TCP11: variants seen among roughly 807,000 people sequenced by gnomAD.
The protein encoded by TCP11 is T-complex protein 11 homolog.
In TCP11, 34 loss-of-function variants were observed where a neutral mutation model predicts 45.0. The observed-to-expected ratio is 0.76, with a 90% CI of 0.57 to 1.01. TCP11 has a LOEUF of 1.01. TCP11 is among the 50% of genes least tolerant of loss of function. The probability of loss-of-function intolerance (pLI) is 0.00; values close to 1 mark genes in which losing one functional copy is unlikely to be tolerated. For missense variants in TCP11, 523 were observed against 598.1 expected (o/e 0.87, Z 1.31); for synonymous variants, 227 against 227.0 (o/e 1.00, Z 0.00).
chr6:35,126,653 T>C (rs1169381083), intron 4 of TCP11, among the ~76,000 whole-genome samples: 1 of 38,890 alleles, frequency 2.6e-5, no homozygotes, highest in East Asian at 4.4e-4. Context: ...TCAAAGACTT[T>C]TTTTTTTTTT....
At chr6:35,118,617 C>T in intron 9 of TCP11, 116 bp from the exon 10 acceptor site, 2 of 860,332 alleles carry the variant, frequency 2.3e-6, no homozygotes, top group East Asian at 2.7e-5. Flanking sequence ...CAACCTGCCC[C>T]CCTACCTAGA....
intron 3 of TCP11, among the ~76,000 whole-genome samples, chr6:35,135,190 A>T (rs1780930509): frequency 6.6e-6 from 1 of 151,406 alleles, no homozygotes; most frequent in South Asian, 2.1e-4. Context: ...ATGGGATGTC[A>T]CTTCTGAGAT....
At position 35,122,121 on chromosome 6, in the gene TCP11, G is replaced by A; in HGVS notation, c.574C>T (p.Leu192=). The change falls in exon 5 of 10, where the codon CTG becomes TTG. Residue 192 remains leucine, a synonymous_variant. Coordinates refer to ENST00000311875, the MANE Select transcript of TCP11 (RefSeq NM_001370687.1). The part of the protein sequence containing the change: ...LENITDPVWL[L]RGIFQVLGRM... ...GGGCAGTATCAAGTTTCATACCTCA[G>A]TAGCCAAACAGGATCCGTAATGTTT... is the stretch of plus-strand genomic sequence containing the variant. 1 of 1,614,170 alleles carries A rather than the reference G, an allele frequency of 6.2e-7. No individual in the cohort carries two copies.
At chr6:35,135,431 A>C (rs978197248) in intron 3 of TCP11, among the ~76,000 whole-genome samples, 4 of 152,172 alleles carry the variant, frequency 2.6e-5, no homozygotes, top group Non-Finnish European at 5.9e-5. Context: ...GAAAGACTAT[A>C]AGCCCGAGGT....
rs1471085775 is a variant in TCP11, at chr6:35,120,748, G to T, written c.716-102C>A. On this transcript the variant is annotated intron_variant, in intron 6 of 9. Transcript: ENST00000311875. This position sits in a 1 kb window ranked among gnomAD's most constrained non-coding sequence, Gnocchi z 4.9. ...GTATACTCCTGGTCAATAAATAAAT[G>T]CTTTGAGGGTCTTTCTGTCTTAGAT... 2 of 1,404,648 alleles carry T rather than the reference G, an allele frequency of 1.4e-6. No individual in the cohort carries two copies. The highest frequency in any genetic ancestry group is 1.9e-6 in the Non-Finnish European group (2 of 1,029,664). 87.0% of individuals were successfully genotyped at this position (1,404,648 alleles called of 1,614,324 possible).
chr6:35,128,949 T>G, intron 4 of TCP11, 113 bp downstream of exon 4: 1 of 1,339,674 alleles, frequency 7.5e-7, no homozygotes, highest in Non-Finnish European at 1.0e-6. Flanking sequence ...TGTCTATTGC[T>G]TAGTCTCTGA....
At chr6:35,131,824 A>G (rs1383918753) in intron 3 of TCP11, among the ~76,000 whole-genome samples, 2 of 152,006 alleles carry the variant, frequency 1.3e-5, no homozygotes, top group Non-Finnish European at 2.9e-5. Flanking sequence ...CTGGTCTCCA[A>G]CTCCTAGTTG....
chr6:35,138,821 T>A (rs1237569784), intron 2 of TCP11, among the ~76,000 whole-genome samples: 2 of 152,220 alleles, frequency 1.3e-5, no homozygotes, highest in African/African-American at 4.8e-5. Context: ...ACACATTGTA[T>A]GCCTGTATCA....
chr6:35,118,489 T>C lies in TCP11; in HGVS notation c.1292A>G (p.His431Arg). The change falls in exon 10 of 10, where the codon CAT (histidine) becomes CGT (arginine). Residue 431 changes from histidine (H) to arginine (R), a missense_variant. Transcript: ENST00000311875. ...AACCAAACAGCATTTGAGAAACAAA[T>C]GGATCCGCTGATCTGTGAGCAGGAA... ...CVCSVIDQRI[H>R]LFLKCCLVLG... 1 of 1,613,608 alleles carries C rather than the reference T, an allele frequency of 6.2e-7. No individual in the cohort carries two copies.
At chr6:35,132,951 G>C (rs922356746) in intron 3 of TCP11, among the ~76,000 whole-genome samples, 1 of 152,162 alleles carries the variant, frequency 6.6e-6, no homozygotes, top group Non-Finnish European at 1.5e-5. Context: ...ATGGAAACTT[G>C]CTAACATCAG....
intron 4 of TCP11, 165 bp downstream of exon 4, chr6:35,128,897 T>G (rs1780113442): frequency 1.1e-6 from 1 of 876,868 alleles, no homozygotes; most frequent in Non-Finnish European, 1.7e-6. Context: ...TTATAATAAT[T>G]TTTATATTAA....
rs760809211 is a variant in TCP11 at position 35,122,131 on chromosome 6, A to G, written c.564T>C (p.Pro188=). ...AVQKLENITD[P]VWLLRGIFQV... ...AAGTTTCATACCTCAGTAGCCAAACAGGATCCGTAATGTTTTCTAGTTTCT... is the reference window on the plus strand; with the variant it reads ...AAGTTTCATACCTCAGTAGCCAAACGGGATCCGTAATGTTTTCTAGTTTCT... Residue 188 remains proline, a synonymous_variant, in exon 5 of 10, where the codon CCT becomes CCC. Transcript: ENST00000311875. 20 of 1,614,158 alleles carry G rather than the reference A, an allele frequency of 1.2e-5. No individual in the cohort carries two copies. Among genetic ancestry groups the G allele is most frequent in the Non-Finnish European group, 1.7e-5 (20 of 1,180,002 alleles).
At chr6:35,140,508 A>G (rs1396278958) in intron 2 of TCP11, 11 of 639,932 alleles carry the variant, frequency 1.7e-5, no homozygotes, top group South Asian at 1.5e-4. Flanking sequence ...GAACCGACTC[A>G]GTCTCAAATC....
intron 3 of TCP11, among the ~76,000 whole-genome samples, chr6:35,129,989 C>T (rs1780222415): frequency 6.6e-6 from 1 of 151,924 alleles, no homozygotes; most frequent in Non-Finnish European, 1.5e-5. Flanking sequence ...CGCTATGTTG[C>T]TCGGGCTGGT....
chr6:35,130,133 A>T (rs1444017900), intron 3 of TCP11, among the ~76,000 whole-genome samples: 1 of 152,168 alleles, frequency 6.6e-6, no homozygotes, highest in Non-Finnish European at 1.5e-5. Flanking sequence ...ATGTTGGAAC[A>T]ACTAGATATC....
Position 35,120,215 on chromosome 6 carries a change from T to C in TCP11, c.1059A>G (p.Gln353=). The change falls in exon 8 of 10, where the codon CAA becomes CAG. Residue 353 remains glutamine (Q), a synonymous_variant. Coordinates refer to ENST00000311875, the MANE Select transcript of TCP11 (RefSeq NM_001370687.1). The surrounding 1 kb of genome is among the most constrained non-coding windows in gnomAD (Gnocchi z 4.9). ...TTATGCGTTTCAGTTTATCTACAAA[T>C]TGGGGTGAGCCAAACAAAACACTGC... is the stretch of plus-strand genomic sequence containing the variant. ...FSGSVLFGSP[Q]FVDKLKRITK... 6.2e-7 allele frequency: 1 copy of C among 1,614,230 alleles called. No individual in the cohort carries two copies. The highest frequency in any genetic ancestry group is 1.3e-5 in the African/African-American group (1 of 75,064).
At chr6:35,124,039 C>T (rs1344531863) in intron 4 of TCP11, among the ~76,000 whole-genome samples, 2 of 152,090 alleles carry the variant, frequency 1.3e-5, no homozygotes, top group Non-Finnish European at 2.9e-5. Flanking sequence ...AGAAACTTAC[C>T]CTCCTTGGCC....
chr6:35,139,158 A>T (rs1781441384), intron 2 of TCP11, among the ~76,000 whole-genome samples: 1 of 152,080 alleles, frequency 6.6e-6, no homozygotes, highest in Non-Finnish European at 1.5e-5. Flanking sequence ...ATTGCACTCT[A>T]GCCTGGGTGA....
intron 8 of TCP11, 97 bp from the exon 9 acceptor site, chr6:35,119,488 G>C (rs1778996395): frequency 6.9e-7 from 1 of 1,458,982 alleles, no homozygotes; most frequent in South Asian, 1.3e-5. Flanking sequence ...GCCCACTTGA[G>C]GGAGAATGTC....
Sources: allele counts gnomAD v4.1 joint callset (sites outside exome capture counted in the v4.1 genomes callset), GRCh38; gene constraint gnomAD v4.1.1; non-coding constraint Gnocchi (gnomAD v3.1); transcripts MANE v1.5; gene names NCBI Gene and HGNC (gene_info 2026-07-23, HGNC 2026-07-21).